Variants in SLMAP observed in about 807,000 individuals in gnomAD.
SLMAP encodes the protein sarcolemma associated protein.
Under a neutral mutation model 128.8 loss-of-function variants are expected in SLMAP, and 44 were observed. The ratio of observed to expected loss-of-function variants is 0.34; its 90% confidence interval spans 0.27 to 0.44. The LOEUF (loss-of-function observed/expected upper bound fraction) is 0.44, where lower values mean the gene tolerates loss of function less well. Ranked by LOEUF, SLMAP falls within the 20% of genes least tolerant of loss-of-function variation. The pLI, the probability that SLMAP is intolerant of heterozygous loss-of-function variation, is 1.00. For missense variants in SLMAP, 787 were observed against 985.3 expected (o/e 0.80, Z 2.69); for synonymous variants, 327 against 348.8 (o/e 0.94, Z 0.70).
At chr3:57,897,156 G>A in intron 17 of SLMAP, 1 of 1,259,706 alleles carries the variant, frequency 7.9e-7, no homozygotes. Context: ...GGGACAAAGT[G>A]TTAAGTGGTA....
rs2096824071 is a variant in SLMAP, at chr3:57,916,838, G to A, written c.2139-68G>A. On this transcript the variant is annotated intron_variant, in intron 21 of 24. Coordinates refer to ENST00000671191, the MANE Select transcript of SLMAP (RefSeq NM_001377540.1). ...CTATCCCTTCTAGTGAAATGTATAAGAAACTGGACTTCCTTCTGTGTCCAG... is the reference window on the plus strand; with the variant it reads ...CTATCCCTTCTAGTGAAATGTATAAAAAACTGGACTTCCTTCTGTGTCCAG... 2.3e-6 allele frequency: 3 copies of A among 1,301,214 alleles called. No homozygotes were observed. In the East Asian group the frequency reaches 7.0e-5, roughly 30 times the overall value. The allele number at this position is 1,301,214 out of a possible 1,614,324, so 80.6% of individuals were successfully genotyped here.
intron 2 of SLMAP, among the ~76,000 whole-genome samples, chr3:57,770,530 G>A (rs2080636396): frequency 6.6e-6 from 1 of 152,220 alleles, no homozygotes; most frequent in South Asian, 2.1e-4. Flanking sequence ...CAGTTCTTTG[G>A]GGGTAGTCGA....
chr3:57,923,099 A>T (rs2096944541), intron 23 of SLMAP, 76 bp downstream of exon 23: 1 of 1,380,440 alleles, frequency 7.2e-7, no homozygotes, highest in Admixed American at 1.9e-5. Context: ...AGAGGACTTT[A>T]TCACTGATTT....
chr3:57,835,291 C>G (rs2093584729), intron 3 of SLMAP, among the ~76,000 whole-genome samples: 1 of 151,764 alleles, frequency 6.6e-6, no homozygotes, highest in Non-Finnish European at 1.5e-5. Flanking sequence ...CCCCTGGCCC[C>G]CAAATTTTTT....
Position 57,757,599 on chromosome 3 carries a change from C to A in SLMAP, c.-53C>A. The A allele has an allele frequency of 6.3e-7, 1 of 1,579,226 alleles. No homozygotes were observed. The highest frequency in any genetic ancestry group is 8.7e-7 in the Non-Finnish European group (1 of 1,152,558). ...AGGCTTGTGAAGGGCAGTCCGGATC[C>A]GGAGGAACTCCTCTTTGTCCCTGGT... On this transcript the variant is annotated 5_prime_UTR_variant, in exon 2 of 25. Transcript: ENST00000671191.
chr3:57,870,462 A>T (rs2095454682), intron 13 of SLMAP, among the ~76,000 whole-genome samples: 1 of 152,182 alleles, frequency 6.6e-6, no homozygotes, highest in Non-Finnish European at 1.5e-5. Context: ...TCTCCAAAAC[A>T]CAAGTTTTAT....
chr3:57,844,059 C>G (rs1404556060), intron 4 of SLMAP, among the ~76,000 whole-genome samples: 1 of 147,236 alleles, frequency 6.8e-6, no homozygotes, highest in African/African-American at 2.5e-5. Context: ...GGATTACAGG[C>G]ATGAGCCACT....
intron 10 of SLMAP, among the ~76,000 whole-genome samples, 179 bp from the exon 11 acceptor site, chr3:57,864,369 C>A (rs2095231619): frequency 6.6e-6 from 1 of 151,400 alleles, no homozygotes; most frequent in Non-Finnish European, 1.5e-5. Context: ...GAGTGAAACT[C>A]CATCTCAAAA....
At position 57,881,094 on chromosome 3, in the gene SLMAP, T is replaced by C. The variant is rs541873375; in HGVS notation, c.1301-8947T>C. Among the ~76,000 whole-genome samples, 60 of 151,950 alleles carry C rather than the reference T, an allele frequency of 3.9e-4. No individual in the cohort carries two copies. The East Asian group carries it at 0.01, about 26-fold the overall frequency. ...CTGTAATCCCAGCTACTCAGGAGGC[T>C]GAGGCAGGAGAATCACTTGAACCCA... On this transcript the variant is annotated intron_variant, in intron 14 of 24. Transcript: ENST00000671191.
In SLMAP at chr3:57,757,868, C is replaced by A. The variant is rs1217867911; in HGVS notation, c.198+19C>A. 6.2e-7 allele frequency: 1 copy of A among 1,611,610 alleles called. No homozygotes were observed. Among genetic ancestry groups the A allele is most frequent in the Non-Finnish European group, 8.5e-7 (1 of 1,177,902 alleles). On this transcript the variant is annotated intron_variant, in intron 2 of 24. Transcript: ENST00000671191. ...GGGCAAGGTAATGTCACCACATTGT[C>A]CAGCGGCATTGTTTAACAAACTTTT...
intron 2 of SLMAP, among the ~76,000 whole-genome samples, chr3:57,794,093 A>G (rs928031293): frequency 6.6e-6 from 1 of 152,268 alleles, no homozygotes. Context: ...ACAGTTTTCT[A>G]AAGTCATCAG....
At chr3:57,818,922 A>G (rs1035560272) in intron 2 of SLMAP, among the ~76,000 whole-genome samples, 2 of 152,228 alleles carry the variant, frequency 1.3e-5, no homozygotes, top group African/African-American at 4.8e-5. Flanking sequence ...AACTGGGAGC[A>G]TTACTAATTC....
intron 22 of SLMAP, among the ~76,000 whole-genome samples, chr3:57,921,109 C>T (rs2096909197): frequency 6.6e-6 from 1 of 152,040 alleles, no homozygotes. Context: ...TGACTGTGAG[C>T]CCAGTTTGCG....
intron 22 of SLMAP, among the ~76,000 whole-genome samples, chr3:57,921,809 G>A (rs1462970596): frequency 3.3e-5 from 5 of 151,952 alleles, no homozygotes; most frequent in African/African-American, 9.7e-5. Context: ...GGGTTCAAGC[G>A]ATTCTCCTGC....
At chr3:57,893,791 C>T (rs1187365927) in intron 15 of SLMAP, among the ~76,000 whole-genome samples, 1 of 152,020 alleles carries the variant, frequency 6.6e-6, no homozygotes, top group Non-Finnish European at 1.5e-5. Flanking sequence ...CTAGAACATT[C>T]AGAAATGTCT....
At chr3:57,849,585 G>A (rs190906934) in intron 5 of SLMAP, among the ~76,000 whole-genome samples, 169 bp from the exon 6 acceptor site, 7 of 152,192 alleles carry the variant, frequency 4.6e-5, no homozygotes, top group Admixed American at 2.6e-4. Context: ...CTATATTTCC[G>A]TCAGAAAAGA....
chr3:57,833,238 A>G (rs2093441437), intron 3 of SLMAP, among the ~76,000 whole-genome samples: 1 of 152,204 alleles, frequency 6.6e-6, no homozygotes, highest in African/African-American at 2.4e-5. Context: ...ATGCTAACAT[A>G]TATGCAGATT....
At chr3:57,887,662 A>G (rs900992966) in intron 14 of SLMAP, among the ~76,000 whole-genome samples, 4 of 152,228 alleles carry the variant, frequency 2.6e-5, no homozygotes, top group South Asian at 2.1e-4. Flanking sequence ...TGCTGTCTCA[A>G]CACACAGCTT....
At chr3:57,859,493 T>C (rs2094948006) in intron 8 of SLMAP, among the ~76,000 whole-genome samples, 1 of 152,074 alleles carries the variant, frequency 6.6e-6, no homozygotes, top group South Asian at 2.1e-4. Flanking sequence ...AGTTTGTGAT[T>C]ACAGTGAGTT....
Sources: allele counts gnomAD v4.1 joint callset (sites outside exome capture counted in the v4.1 genomes callset), GRCh38; gene constraint gnomAD v4.1.1; transcripts MANE v1.5; gene names NCBI Gene and HGNC (gene_info 2026-07-23, HGNC 2026-07-21).